Variants in MTSS1 observed in about 807,000 individuals in gnomAD.
MTSS1 encodes protein MTSS 1.
A neutral mutation model predicts 79.0 loss-of-function variants in MTSS1; 18 were observed. That is an observed-to-expected ratio of 0.23 (90% confidence interval 0.16 to 0.34). The LOEUF (loss-of-function observed/expected upper bound fraction) is 0.34, where lower values mean the gene tolerates loss of function less well. Among genes scored for constraint, MTSS1 ranks in the 10% least tolerant of loss-of-function variants. The probability of loss-of-function intolerance (pLI) is 1.00; values close to 1 mark genes in which losing one functional copy is unlikely to be tolerated. For synonymous variants in MTSS1, 341 were observed against 368.6 expected, an observed-to-expected ratio of 0.93 and a Z score of 0.86; for missense variants, 815 against 986.2, an observed-to-expected ratio of 0.83 and a Z score of 2.33.
chr8:124,605,615 TGCCTCCCTCCCTGCCCTCG>T lies in MTSS1; in HGVS notation c.209-14399_209-14381del, dbSNP rs1460168176. On this transcript the variant is annotated intron_variant, in intron 3 of 13. Coordinates refer to ENST00000518547, the MANE Select transcript of MTSS1 (RefSeq NM_014751.6). ...GCTGCCTCCCTCCCTGCCCTCGCGC[TGCCTCCCTCCCTGCCCTCG>T]CGCTGGGCTCCCGTTGGAGATCAGA... is the stretch of plus-strand genomic sequence containing the variant. Among the ~76,000 whole-genome samples, 1,376 of 145,232 alleles carry T rather than the reference TGCCTCCCTCCCTGCCCTCG, an allele frequency of 9.5e-3. 22 individuals carry two copies. The highest frequency in any genetic ancestry group is 0.023 in the African/African-American group (833 of 35,568).
In MTSS1 at chr8:124,727,455, G is replaced by A. The variant is rs887179818; in HGVS notation, c.72+429C>T. ...GGGGACTCCTTCCTGCGAGCGGGCA[G>A]AGCCCCCACTTCCTCCCCACCACCG... On this transcript the variant is annotated intron_variant, in intron 1 of 13. Coordinates refer to ENST00000518547, the MANE Select transcript of MTSS1 (RefSeq NM_014751.6). The surrounding 1 kb of genome is among the most constrained non-coding windows in gnomAD (Gnocchi z 4.7). The A allele has an allele frequency of 2.3e-6, 1 of 431,476 alleles. No homozygotes were observed. The highest frequency in any genetic ancestry group is 4.6e-6 in the Non-Finnish European group (1 of 215,722). The allele number at this position is 431,476 out of a possible 1,614,324, so 26.7% of individuals were successfully genotyped here. A position where few individuals can be genotyped will look rare whatever the true frequency, so the allele number is the denominator to read the frequency against.
rs147423870 is a variant in MTSS1, at chr8:124,668,124, C to T, written c.208+31402G>A. ...AAGTCTCCAAGGCTTTCACCTCCAC[C>T]GCTGGGCTCTAAAACCAAGATGCCA... On this transcript the variant is annotated intron_variant, in intron 3 of 13. Transcript: ENST00000518547. Among the ~76,000 whole-genome samples the T allele has an allele frequency of 4.0e-3, 608 of 152,230 alleles. 2 individuals are homozygous for T. Among genetic ancestry groups the T allele is most frequent in the African/African-American group, 0.014 (562 of 41,554 alleles).
intron 1 of MTSS1, among the ~76,000 whole-genome samples, chr8:124,722,470 G>C (rs954552126): frequency 2.0e-5 from 3 of 152,118 alleles, no homozygotes; most frequent in Non-Finnish European, 4.4e-5. Flanking sequence ...TTGGTTGTTC[G>C]GTTGTTTCTG....
chr8:124,575,186 C>A (rs887712238), intron 6 of MTSS1, among the ~76,000 whole-genome samples: 14 of 152,196 alleles, frequency 9.2e-5, no homozygotes, highest in Admixed American at 6.5e-5. Flanking sequence ...CTTTATAAGT[C>A]ATCTTCTACT....
In MTSS1 at chr8:124,611,149, G is replaced by A. The variant is rs572267807; in HGVS notation, c.209-19914C>T. Among the ~76,000 whole-genome samples the A allele has an allele frequency of 6.0e-5, 9 of 149,202 alleles. 1 individual carries two copies. The South Asian group carries it at 1.9e-3, about 31-fold the overall frequency. On this transcript the variant is annotated intron_variant, in intron 3 of 13. Transcript: ENST00000518547. ...GTGACTCAACAGTCACCTCTGTAGA[G>A]CATCACTAAAGATGGCTTCTCCCAG...
chr8:124,553,755 G>A lies in MTSS1; in HGVS notation c.1568-63C>T, dbSNP rs910318824. The A allele has an allele frequency of 4.0e-5, 59 of 1,462,446 alleles. No homozygotes were observed. Among genetic ancestry groups the A allele is most frequent in the Admixed American group, 1.8e-4 (9 of 50,408 alleles). The allele number at this position is 1,462,446 out of a possible 1,614,324, so 90.6% of individuals were successfully genotyped here. A position where few individuals can be genotyped will look rare whatever the true frequency, so the allele number is the denominator to read the frequency against. ...AGCTGTGCTTTTTTGATTCTTCTGG[G>A]CTGGGAGGACAAAAGGCACGCAAGG... On this transcript the variant is annotated intron_variant, in intron 13 of 13. Coordinates refer to ENST00000518547, the MANE Select transcript of MTSS1 (RefSeq NM_014751.6). The surrounding 1 kb of genome is among the most constrained non-coding windows in gnomAD (Gnocchi z 6.0).
At chr8:124,558,639 GTGAGGGCTGTC>G (rs1824553251) in intron 10 of MTSS1, 1 of 1,448,080 alleles carries the variant, frequency 6.9e-7, no homozygotes, top group South Asian at 1.4e-5. Flanking sequence ...TGCCGCGGCT[GTGAGGGCTGTC>G]TGAGCAGCAG....
chr8:124,706,682 G>C (rs939767225), intron 1 of MTSS1, among the ~76,000 whole-genome samples: 5 of 152,238 alleles, frequency 3.3e-5, no homozygotes, highest in Non-Finnish European at 7.3e-5. Flanking sequence ...ACCTGTGTGA[G>C]GGTCTTGTCA....
At chr8:124,610,966 C>T (rs775069189) in intron 3 of MTSS1, among the ~76,000 whole-genome samples, 1 of 152,198 alleles carries the variant, frequency 6.6e-6, no homozygotes, top group Non-Finnish European at 1.5e-5. Context: ...TACATGGAAA[C>T]AGCACCAAGG....
At position 124,591,119 on chromosome 8, in the gene MTSS1, G is replaced by A. The variant is rs778789008; in HGVS notation, c.293+32C>T. On this transcript the variant is annotated intron_variant, in intron 4 of 13. Coordinates refer to ENST00000518547, the MANE Select transcript of MTSS1 (RefSeq NM_014751.6). ...TCCTTAACCTGAAATCTGCAAGGGT[G>A]TTGGCGATCGGGGCCAAAACATGCT... 6.9e-6 allele frequency: 11 copies of A among 1,583,278 alleles called. No homozygotes were observed. The East Asian group carries it at 2.5e-4, about 35-fold the overall frequency.
At chr8:124,721,215 T>G (rs1430727036) in intron 1 of MTSS1, among the ~76,000 whole-genome samples, 7 of 151,918 alleles carry the variant, frequency 4.6e-5, no homozygotes, top group Admixed American at 4.6e-4. Flanking sequence ...TAAAGTCAAT[T>G]CCTTGACTGC....
chr8:124,699,304 T>C (rs1357963697), intron 3 of MTSS1: 1 of 535,086 alleles, frequency 1.9e-6, no homozygotes, highest in Non-Finnish European at 3.3e-6. Context: ...GAAACAGTGG[T>C]TCATTTTCTT....
chr8:124,687,656 C>T (rs1188390235), intron 3 of MTSS1, among the ~76,000 whole-genome samples: 5 of 152,166 alleles, frequency 3.3e-5, no homozygotes, highest in Non-Finnish European at 7.3e-5. Context: ...CCAGAGTCAG[C>T]GGGTAAACAC....
chr8:124,704,080 C>A, intron 2 of MTSS1, 50 bp downstream of exon 2: 1 of 1,565,244 alleles, frequency 6.4e-7, no homozygotes, highest in Non-Finnish European at 8.8e-7. Context: ...CCACTCCATC[C>A]TTGTCTGAGG....
chr8:124,701,960 A>C (rs999432403), intron 2 of MTSS1, among the ~76,000 whole-genome samples: 1 of 152,228 alleles, frequency 6.6e-6, no homozygotes, highest in Non-Finnish European at 1.5e-5. Flanking sequence ...TTAGTTTAAC[A>C]AAATAATAAA....
intron 13 of MTSS1, among the ~76,000 whole-genome samples, chr8:124,554,880 G>C (rs1319221174): frequency 6.6e-6 from 1 of 152,204 alleles, no homozygotes; most frequent in Non-Finnish European, 1.5e-5. Flanking sequence ...GTCTCATTTT[G>C]TTGCCCAGGC....
chr8:124,715,480 G>A (rs1831802551), intron 1 of MTSS1, among the ~76,000 whole-genome samples: 1 of 152,084 alleles, frequency 6.6e-6, no homozygotes, highest in African/African-American at 2.4e-5. Flanking sequence ...CCTGGGGCAA[G>A]CACTGGCCTT....
intron 3 of MTSS1, among the ~76,000 whole-genome samples, chr8:124,694,281 T>C (rs954491756): frequency 6.6e-6 from 1 of 152,062 alleles, no homozygotes; most frequent in Non-Finnish European, 1.5e-5. Flanking sequence ...TGCCATCTGC[T>C]TGTGTCAGCA....
At chr8:124,589,854 G>C in intron 4 of MTSS1, 143 bp from the exon 5 acceptor site, 1 of 633,782 alleles carries the variant, frequency 1.6e-6, no homozygotes, top group Non-Finnish European at 2.8e-6. Context: ...GAACAGCCAT[G>C]TTCCAAGAAT....
Sources: allele counts gnomAD v4.1 joint callset (sites outside exome capture counted in the v4.1 genomes callset), GRCh38; gene constraint gnomAD v4.1.1; non-coding constraint Gnocchi (gnomAD v3.1); transcripts MANE v1.5; gene names NCBI Gene and HGNC (gene_info 2026-07-23, HGNC 2026-07-21).